LANCL3: variants seen among roughly 807,000 people sequenced by gnomAD.
The protein encoded by LANCL3 is LanC like family member 3.
Under a neutral mutation model 26.5 loss-of-function variants are expected in LANCL3, and 19 were observed. That is an observed-to-expected ratio of 0.72 (90% CI 0.50 to 1.05). The LOEUF (loss-of-function observed/expected upper bound fraction) is 1.05, where lower values mean the gene tolerates loss of function less well. LANCL3 is among the 50% of genes least tolerant of loss of function. LANCL3 has a pLI of 0.00. For synonymous variants in LANCL3, 160 were observed against 166.6 expected, an observed-to-expected ratio of 0.96 and a Z score of 0.30; for missense variants, 318 against 362.7, an observed-to-expected ratio of 0.88 and a Z score of 1.00.
chrX:37,582,174 GTCTA>G (rs1923916736), intron 1 of LANCL3, among the ~76,000 whole-genome samples: 1 of 111,990 alleles, frequency 8.9e-6, no homozygotes, highest in Non-Finnish European at 1.9e-5. Context: ...TCTTAATCCA[GTCTA>G]TCATTGATGG....
rs1926574967 is a variant in LANCL3 at position 37,667,500 on chromosome X, C to T, written c.1103+11C>T. ...CTACCGAGCTCAAAGGTCAGCTGTTCTTTATGGGTCTTTTTTTTTTTCAAA... is the reference window on the plus strand; with the variant it reads ...CTACCGAGCTCAAAGGTCAGCTGTTTTTTATGGGTCTTTTTTTTTTTCAAA... On this transcript the variant is annotated intron_variant, in intron 4 of 4. Transcript: ENST00000378619. The T allele has an allele frequency of 9.9e-7, 1 of 1,011,530 alleles. No homozygotes were observed. Among genetic ancestry groups the T allele is most frequent in the South Asian group, 2.9e-5 (1 of 35,000 alleles). The allele number at this position is 1,011,530 out of a possible 1,213,427, so 83.4% of individuals were successfully genotyped here.
intron 1 of LANCL3, among the ~76,000 whole-genome samples, chrX:37,576,231 G>A (rs782082260): frequency 7.1e-5 from 8 of 111,925 alleles, no homozygotes; most frequent in Non-Finnish European, 1.5e-4. Context: ...AGAAAAAGAT[G>A]TATGTGTATG....
In LANCL3 at chrX:37,571,903, C is replaced by T. The variant is rs1556415488; in HGVS notation, c.33C>T (p.Phe11=). 1 of 1,207,075 alleles carries T rather than the reference C, an allele frequency of 8.3e-7. No homozygotes were observed. Among genetic ancestry groups the T allele is most frequent in the South Asian group, 1.8e-5 (1 of 56,404 alleles). Residue 11 remains phenylalanine, a synonymous_variant, in exon 1 of 5, where the codon TTC becomes TTT. Transcript: ENST00000378619. MDTKRCFANR[F]DDYQGSLLAG... ...CCAAGCGCTGCTTCGCCAATCGCTT[C>T]GATGACTACCAGGGCAGCCTGCTGG...
intron 1 of LANCL3, among the ~76,000 whole-genome samples, chrX:37,630,343 A>G (rs1354699064): frequency 2.7e-5 from 3 of 111,489 alleles, no homozygotes; most frequent in African/African-American, 9.8e-5. Context: ...GCTTAAGGAG[A>G]TTTTGGGCTG....
chrX:37,637,999 A>T (rs1450095660), intron 1 of LANCL3, among the ~76,000 whole-genome samples: 1 of 111,201 alleles, frequency 9.0e-6, no homozygotes, highest in Non-Finnish European at 1.9e-5. Flanking sequence ...CAGTAACTCT[A>T]TTTGATCCTG....
chrX:37,627,583 C>T (rs1347473985), intron 1 of LANCL3, among the ~76,000 whole-genome samples: 1 of 111,620 alleles, frequency 9.0e-6, no homozygotes, highest in Non-Finnish European at 1.9e-5. Context: ...ACAAGATTGC[C>T]AGGGAATCAG....
rs181779376 is a variant in LANCL3, at chrX:37,614,728, C to G, written c.574-40960C>G. On this transcript the variant is annotated intron_variant, in intron 1 of 4. Coordinates refer to ENST00000378619, the MANE Select transcript of LANCL3 (RefSeq NM_001170331.2). ...GCATTGAGTGGATACTTCTGAAAGA[C>G]TTGTGATTTTTAAAAACATGTGTAC... Among the ~76,000 whole-genome samples, 99 of 112,161 alleles carry G rather than the reference C, an allele frequency of 8.8e-4. 5 individuals are homozygous for G. Among genetic ancestry groups the G allele is most frequent in the Admixed American group, 4.2e-3 (44 of 10,601 alleles).
intron 1 of LANCL3, among the ~76,000 whole-genome samples, chrX:37,615,824 G>T (rs1924990131): frequency 9.0e-6 from 1 of 111,682 alleles, no homozygotes; most frequent in Admixed American, 9.5e-5. Flanking sequence ...TGAAAAAATA[G>T]CACAGAACTG....
chrX:37,611,710 C>T (rs138030985), intron 1 of LANCL3, among the ~76,000 whole-genome samples: 1 of 111,490 alleles, frequency 9.0e-6, no homozygotes, highest in Non-Finnish European at 1.9e-5. Flanking sequence ...AGAGCATAGG[C>T]GTTGGAGCCA....
chrX:37,614,319 G>A (rs1308081229), intron 1 of LANCL3, among the ~76,000 whole-genome samples: 1 of 111,448 alleles, frequency 9.0e-6, no homozygotes, highest in African/African-American at 3.3e-5. Flanking sequence ...CATCTCTGGG[G>A]GTGGGACCTG....
chrX:37,631,043 T>G (rs1925485826), intron 1 of LANCL3, among the ~76,000 whole-genome samples: 1 of 112,006 alleles, frequency 8.9e-6, no homozygotes, highest in Admixed American at 9.4e-5. Context: ...CTCCTCCTTG[T>G]ACCTCTGGTA....
At chrX:37,636,289 C>G (rs951574515) in intron 1 of LANCL3, among the ~76,000 whole-genome samples, 6 of 111,772 alleles carry the variant, frequency 5.4e-5, no homozygotes, top group Non-Finnish European at 1.1e-4. Flanking sequence ...GTGCATGTGT[C>G]TTTATGATAG....
intron 1 of LANCL3, among the ~76,000 whole-genome samples, chrX:37,638,135 GA>G: frequency 9.0e-6 from 1 of 111,666 alleles, no homozygotes; most frequent in East Asian, 2.8e-4. Context: ...AAGACTTGTA[GA>G]AAGTGAAAGA....
chrX:37,609,792 G>C (rs187321821), intron 1 of LANCL3, among the ~76,000 whole-genome samples: 355 of 111,799 alleles, frequency 3.2e-3, no homozygotes, highest in Non-Finnish European at 5.3e-3. Flanking sequence ...GAGATGTGAA[G>C]CTTTCCCTAT....
At chrX:37,584,030 GC>G (rs1923982781) in intron 1 of LANCL3, among the ~76,000 whole-genome samples, 1 of 111,731 alleles carries the variant, frequency 9.0e-6, no homozygotes, top group Non-Finnish European at 1.9e-5. Context: ...AACATGAAGG[GC>G]TGTTTAATTT....
At chrX:37,595,382 C>T (rs532748940) in intron 1 of LANCL3, among the ~76,000 whole-genome samples, 10 of 112,368 alleles carry the variant, frequency 8.9e-5, no homozygotes, top group African/African-American at 3.2e-4. Flanking sequence ...TTTACATGCT[C>T]CTGCTTAAAT....
chrX:37,657,230 G>C (rs1187737800), intron 2 of LANCL3, among the ~76,000 whole-genome samples: 1 of 113,002 alleles, frequency 8.8e-6, no homozygotes, highest in African/African-American at 3.2e-5. Flanking sequence ...GCCAGAGAAA[G>C]CCTCAGGCAA....
At position 37,588,565 on chromosome X, in the gene LANCL3, A is replaced by G. The variant is rs782637350; in HGVS notation, c.573+16122A>G. On this transcript the variant is annotated intron_variant, in intron 1 of 4. Transcript: ENST00000378619. The stretch of plus-strand genomic sequence containing the variant: ...GGAAACCTACCAAGATAACAGGCCC[A>G]TTATTCTTGGGGTGCTAGCCACTTG... Among the ~76,000 whole-genome samples the G allele has an allele frequency of 1.9e-4, 21 of 112,088 alleles. No individual in the cohort carries two copies. In the South Asian group the frequency reaches 7.5e-3, roughly 40 times the overall value.
chrX:37,639,009 T>C (rs924038914), intron 1 of LANCL3, among the ~76,000 whole-genome samples: 7 of 109,795 alleles, frequency 6.4e-5, no homozygotes, highest in Non-Finnish European at 1.3e-4. Flanking sequence ...ATTGTATGAA[T>C]ATACCATCAT....
Sources: gnomAD v4.1 joint callset for allele counts (sites outside exome capture counted in the v4.1 genomes callset) on GRCh38, gnomAD v4.1.1 for gene constraint, MANE v1.5 for transcripts, NCBI Gene and HGNC (gene_info 2026-07-23, HGNC 2026-07-21) for gene names.